The following MYO16 variants were observed in gnomAD, a reference collection of about 807,000 sequenced individuals.
MYO16 encodes unconventional myosin-XVI.
A neutral mutation model predicts 205.3 loss-of-function variants in MYO16; 94 were observed. That is an observed-to-expected ratio of 0.46 (90% CI 0.39 to 0.54). The LOEUF (loss-of-function observed/expected upper bound fraction) is 0.54, where lower values mean the gene tolerates loss of function less well. MYO16 is among the 20% of genes least tolerant of loss of function. The pLI is 0.00. For missense variants in MYO16, 2,315 were observed against 2,387.5 expected, an observed-to-expected ratio of 0.97 and a Z score of 0.63; for synonymous variants, 988 against 954.0, an observed-to-expected ratio of 1.04 and a Z score of -0.66.
At chr13:109,117,993 T>G (rs906369970) in intron 28 of MYO16, among the ~76,000 whole-genome samples, 2 of 152,196 alleles carry the variant, frequency 1.3e-5, no homozygotes, top group Admixed American at 1.3e-4. Context: ...CTCATCTGTG[T>G]CCACATAACT....
Position 109,127,618 on chromosome 13 carries a change from G to C in MYO16, c.4051+68G>C. 6.6e-7 allele frequency: 1 copy of C among 1,517,620 alleles called. No individual in the cohort carries two copies. 94.0% of individuals were successfully genotyped at this position (1,517,620 alleles called of 1,614,324 possible). The stretch of plus-strand genomic sequence containing the variant: ...GCATGCTCTGACTTCGCCTTGGGGC[G>C]CCCATGGCAGTACTGTCGCCCTAAT... On this transcript the variant is annotated intron_variant, in intron 31 of 34. Transcript: ENST00000457511. The surrounding 1 kb of genome is among the most constrained non-coding windows in gnomAD (Gnocchi z 4.2).
At chr13:108,657,994 C>T (rs989603070) in intron 1 of MYO16, among the ~76,000 whole-genome samples, 4 of 152,084 alleles carry the variant, frequency 2.6e-5, no homozygotes, top group African/African-American at 7.2e-5. Flanking sequence ...TATGTATGCA[C>T]GTAGGCTATT....
At chr13:109,061,854 G>A (rs917044732) in intron 27 of MYO16, among the ~76,000 whole-genome samples, 2 of 152,124 alleles carry the variant, frequency 1.3e-5, no homozygotes, top group African/African-American at 2.4e-5. Flanking sequence ...GATGCGAAAT[G>A]GGATTTATCT....
the MYO16 span, among the ~76,000 whole-genome samples, chr13:108,541,057 G>T: frequency 6.6e-6 from 1 of 152,076 alleles, no homozygotes; most frequent in Non-Finnish European, 1.5e-5. Flanking sequence ...CATGACCTGA[G>T]ACTTTCCTTG....
intron 34 of MYO16, among the ~76,000 whole-genome samples, chr13:109,196,193 A>G (rs1223350972): frequency 1.3e-5 from 2 of 152,198 alleles, no homozygotes; most frequent in East Asian, 3.8e-4. Flanking sequence ...TTTACAGTAA[A>G]GTACAGAAAT....
Position 108,785,623 on chromosome 13 carries a change from C to G in MYO16, c.508-12C>G. On this transcript the variant is annotated splice_polypyrimidine_tract_variant and intron_variant, in intron 4 of 34. Transcript: ENST00000457511. ...AGTATATATGATGTTATATTTTTTT[C>G]TTTTTATCTAGGCTGGAGCCAATGT... is the stretch of plus-strand genomic sequence containing the variant. 6.5e-7 allele frequency: 1 copy of G among 1,547,720 alleles called. No individual in the cohort carries two copies. The highest frequency in any genetic ancestry group is 8.8e-7 in the Non-Finnish European group (1 of 1,141,330).
At chr13:108,884,433 C>A (rs936093567) in intron 13 of MYO16, among the ~76,000 whole-genome samples, 2 of 152,190 alleles carry the variant, frequency 1.3e-5, no homozygotes, top group Non-Finnish European at 2.9e-5. Flanking sequence ...AAGAAAGGCA[C>A]TGAGGCATGG....
chr13:108,920,878 C>T (rs994774786), intron 16 of MYO16, among the ~76,000 whole-genome samples: 2 of 152,220 alleles, frequency 1.3e-5, no homozygotes, highest in Non-Finnish European at 2.9e-5. Flanking sequence ...AGGACACTTG[C>T]TTGACTTTGC....
At chr13:108,569,654 C>T in the MYO16 span, among the ~76,000 whole-genome samples, 38 of 152,184 alleles carry the variant, frequency 2.5e-4, no homozygotes, top group South Asian at 6.6e-3. Context: ...ATTATCTAAT[C>T]GTCCTGGCTG....
chr13:108,956,684 G>A (rs75137190), intron 16 of MYO16, among the ~76,000 whole-genome samples: 1 of 152,004 alleles, frequency 6.6e-6, no homozygotes, highest in Non-Finnish European at 1.5e-5. Flanking sequence ...ATTATTCCAG[G>A]GATAACCTGA....
intron 20 of MYO16, among the ~76,000 whole-genome samples, chr13:108,981,390 T>C (rs974175136): frequency 1.3e-5 from 2 of 152,260 alleles, no homozygotes; most frequent in Non-Finnish European, 2.9e-5. Flanking sequence ...AGTCTGTGCA[T>C]CCATGCCATG....
At chr13:108,690,027 T>C (rs1441530441) in intron 2 of MYO16, among the ~76,000 whole-genome samples, 1 of 152,160 alleles carries the variant, frequency 6.6e-6, no homozygotes, top group Non-Finnish European at 1.5e-5. Flanking sequence ...TTCCCACTTA[T>C]TGTATAAAAT....
chr13:108,974,023 G>A (rs1884157882), intron 20 of MYO16, among the ~76,000 whole-genome samples: 2 of 152,042 alleles, frequency 1.3e-5, no homozygotes, highest in South Asian at 4.1e-4. Flanking sequence ...AGAAAAGGCT[G>A]ATCTTTACCT....
chr13:108,538,085 G>A, the MYO16 span, among the ~76,000 whole-genome samples: 1 of 151,922 alleles, frequency 6.6e-6, no homozygotes, highest in African/African-American at 2.4e-5. Context: ...TCTTTGCTGA[G>A]GCCAATGTCC....
At chr13:109,089,067 C>T (rs935281849) in intron 27 of MYO16, among the ~76,000 whole-genome samples, 3 of 152,004 alleles carry the variant, frequency 2.0e-5, no homozygotes, top group African/African-American at 7.3e-5. Flanking sequence ...ACCACCGCCA[C>T]AATGAGAGAG....
rs1303489403 is a variant in MYO16 at position 109,141,090 on chromosome 13, G to A, written c.4878G>A (p.Ala1626=). Residue 1626 remains alanine (A), a synonymous_variant, in exon 32 of 35, where the codon GCG becomes GCA. Transcript: ENST00000457511. This position sits in a 1 kb window ranked among gnomAD's most constrained non-coding sequence, Gnocchi z 4.1. ...AFPPEPAPVN[A]GKAGPSAEAP... is the part of the protein sequence containing the mutation. ...CGCCGGAGCCCGCCCCGGTGAACGC[G>A]GGGAAAGCGGGGCCGAGCGCAGAGG... 6 of 1,483,510 alleles carry A rather than the reference G, an allele frequency of 4.0e-6. No individual in the cohort carries two copies. Among genetic ancestry groups the A allele is most frequent in the Non-Finnish European group, 4.5e-6 (5 of 1,119,674 alleles). 91.9% of individuals were successfully genotyped at this position (1,483,510 alleles called of 1,614,324 possible). A position where few individuals can be genotyped will look rare whatever the true frequency, so the allele number is the denominator to read the frequency against.
At chr13:109,044,143 A>T (rs1230359853) in intron 23 of MYO16, among the ~76,000 whole-genome samples, 1 of 152,182 alleles carries the variant, frequency 6.6e-6, no homozygotes, top group East Asian at 1.9e-4. Flanking sequence ...ATGATGAAAA[A>T]AAAAATGGTG....
chr13:109,041,660 A>C (rs1251681540), intron 23 of MYO16, among the ~76,000 whole-genome samples: 1 of 152,206 alleles, frequency 6.6e-6, no homozygotes, highest in Non-Finnish European at 1.5e-5. Flanking sequence ...TGGTTGTGAT[A>C]GTTTTGCAGG....
At chr13:108,939,850 T>C (rs1483412732) in intron 16 of MYO16, among the ~76,000 whole-genome samples, 1 of 152,176 alleles carries the variant, frequency 6.6e-6, no homozygotes, top group South Asian at 2.1e-4. Flanking sequence ...ATGCGTCATA[T>C]ATATAATATG....
Sources: allele counts gnomAD v4.1 joint callset (sites outside exome capture counted in the v4.1 genomes callset), GRCh38; gene constraint gnomAD v4.1.1; non-coding constraint Gnocchi (gnomAD v3.1); transcripts MANE v1.5; gene names NCBI Gene and HGNC (gene_info 2026-07-23, HGNC 2026-07-21).